The following DDX60L variants were observed in gnomAD, a reference collection of about 807,000 sequenced individuals.
DDX60L encodes DExD/H-box 60 like.
Under a neutral mutation model 211.6 loss-of-function variants are expected in DDX60L, and 191 were observed. The observed-to-expected ratio is 0.90, with a 90% CI of 0.80 to 1.02. The LOEUF (loss-of-function observed/expected upper bound fraction) is 1.02. Ranked by LOEUF, DDX60L falls within the 50% of genes least tolerant of loss-of-function variation. The pLI is 0.00. For synonymous variants in DDX60L, 706 were observed against 694.1 expected (o/e 1.02, Z -0.27); for missense variants, 2,007 against 1,984.1 (o/e 1.01, Z -0.22).
Position 168,456,106 on chromosome 4 carries a change from G to T in DDX60L, c.770C>A (p.Ser257Ter). The T allele has an allele frequency of 3.1e-6, 5 of 1,594,842 alleles. No homozygotes were observed. Among genetic ancestry groups the T allele is most frequent in the Non-Finnish European group, 3.4e-6 (4 of 1,172,612 alleles). ...FLLQHLWSEG[S>*]DIQRVLCVTS... is the part of the protein sequence containing the mutation. ...GACACAGAGAACACGCTGGATGTCC[G>T]ATCCTTCTGACCATAGGTGCTGAAG... Residue 257 changes from serine (S) to a stop codon, truncating the protein, a stop_gained, in exon 7 of 38, where the codon TCG (serine) becomes TAG (stop). Transcript: ENST00000682922. LOFTEE classifies it high-confidence loss of function.
chr4:168,405,463 A>C (rs562090985), intron 24 of DDX60L, among the ~76,000 whole-genome samples: 2 of 152,212 alleles, frequency 1.3e-5, no homozygotes, highest in South Asian at 4.1e-4. Context: ...GTCATCTATA[A>C]ATTTGCCTGA....
At position 168,391,649 on chromosome 4, in the gene DDX60L, G is replaced by GA. The variant is rs35620253; in HGVS notation, c.3811-6dup. Reference sequence around the variant, plus strand: ...TGTTTCAGTAGCTGTCACTACCTAGGAAAAAAAAAAAAAAACAGTCAATAC... The same window carrying GA: ...TGTTTCAGTAGCTGTCACTACCTAGGAAAAAAAAAAAAAAAACAGTCAATAC... On this transcript the variant is annotated splice_region_variant and splice_polypyrimidine_tract_variant and intron_variant, in intron 28 of 37. Coordinates refer to ENST00000682922, the MANE Select transcript of DDX60L (RefSeq NM_001012967.3). 2,650 of 1,068,626 alleles carry GA rather than the reference G, an allele frequency of 2.5e-3. No individual in the cohort carries two copies. The highest frequency in any genetic ancestry group is 0.019 in the African/African-American group (1,058 of 56,116). The allele number at this position is 1,068,626 out of a possible 1,614,324, so 66.2% of individuals were successfully genotyped here.
intron 10 of DDX60L, 90 bp from the exon 11 acceptor site, chr4:168,433,205 A>C: frequency 1.2e-6 from 1 of 857,090 alleles, no homozygotes; most frequent in Non-Finnish European, 1.8e-6. Flanking sequence ...CAAATGCATA[A>C]TATTTTACAT....
intron 8 of DDX60L, among the ~76,000 whole-genome samples, chr4:168,449,677 A>AAAAATAAT (rs1755501600): frequency 6.9e-6 from 1 of 144,718 alleles, no homozygotes; most frequent in Non-Finnish European, 1.5e-5. Context: ...AAAAAAGAAA[A>AAAAATAAT]AAATTACTAA....
Position 168,384,758 on chromosome 4 carries a change from A to G in DDX60L, c.3970T>C (p.Phe1324Leu). The change falls in exon 30 of 38, where the codon TTT becomes CTT. Residue 1324 changes from phenylalanine (F) to leucine (L), a missense_variant. Physicochemically the swap from Phe to Leu is conservative, Grantham distance 22. Coordinates refer to ENST00000682922, the MANE Select transcript of DDX60L (RefSeq NM_001012967.3). ...GQDLLGNVYF[F>L]DIPLPKIKRL... ...TTTATTTTGGGCAATGGGATATCAA[A>G]GAAATACACATTTCCAAGCAGGTCT... 16 of 1,613,792 alleles carry G rather than the reference A, an allele frequency of 9.9e-6. No individual in the cohort carries two copies. Among genetic ancestry groups the G allele is most frequent in the Non-Finnish European group, 1.2e-5 (14 of 1,179,868 alleles).
At position 168,422,648 on chromosome 4, in the gene DDX60L, TTC is replaced by T. The variant is rs1267308706; in HGVS notation, c.2118_2119del (p.Lys707GlufsTer5). 6.2e-7 allele frequency: 1 copy of T among 1,604,732 alleles called. No homozygotes were observed. Among genetic ancestry groups the T allele is most frequent in the African/African-American group, 1.3e-5 (1 of 74,840 alleles). On this transcript the variant is annotated frameshift_variant, in exon 16 of 38. Transcript: ENST00000682922. LOFTEE classifies it high-confidence loss of function. ...TGGTCCAATGTCAATCGAATATTTCTTCTTATTTTTGTCATCTCCTATCTGTT... is the reference window on the plus strand; with the variant it reads ...TGGTCCAATGTCAATCGAATATTTCTTTATTTTTGTCATCTCCTATCTGTT...
intron 31 of DDX60L, 45 bp from the exon 32 acceptor site, chr4:168,379,549 A>C (rs772683367): frequency 3.6e-6 from 5 of 1,371,654 alleles, no homozygotes; most frequent in Non-Finnish European, 3.0e-6. Flanking sequence ...TCATGTACTC[A>C]AATACCATAA....
intron 22 of DDX60L, among the ~76,000 whole-genome samples, chr4:168,407,309 C>G (rs925178709): frequency 2.6e-5 from 4 of 152,120 alleles, no homozygotes; most frequent in African/African-American, 9.7e-5. Flanking sequence ...CCGTCTGAAG[C>G]CTTTAGAACT....
chr4:168,471,794 C>CA lies in DDX60L; in HGVS notation c.216dup (p.Val73CysfsTer6). On this transcript the variant is annotated frameshift_variant, in exon 4 of 38. Transcript: ENST00000682922. LOFTEE classifies it high-confidence loss of function. Reference sequence around the variant, plus strand: ...TGTCCTCCGTTACTCAGAAGATCCACAAGATAGCATTCAACCAGATAGAAA... The same window carrying CA: ...TGTCCTCCGTTACTCAGAAGATCCACAAAGATAGCATTCAACCAGATAGAAA... The CA allele has an allele frequency of 6.2e-7, 1 of 1,612,362 alleles. No individual in the cohort carries two copies. The highest frequency in any genetic ancestry group is 8.5e-7 in the Non-Finnish European group (1 of 1,179,614).
chr4:168,468,115 C>T (rs925353811), intron 4 of DDX60L, among the ~76,000 whole-genome samples: 10 of 152,006 alleles, frequency 6.6e-5, no homozygotes, highest in South Asian at 2.1e-4. Flanking sequence ...TGCAGTGAGC[C>T]GAGACCATGC....
intron 25 of DDX60L, among the ~76,000 whole-genome samples, chr4:168,402,198 G>A (rs1579402427): frequency 6.8e-6 from 1 of 147,602 alleles, no homozygotes; most frequent in Non-Finnish European, 1.5e-5. Context: ...TGCACTCGCA[G>A]CTCACTGAAG....
intron 28 of DDX60L, 84 bp downstream of exon 28, chr4:168,394,381 C>T: frequency 9.1e-7 from 1 of 1,099,252 alleles, no homozygotes; most frequent in Non-Finnish European, 1.3e-6. Flanking sequence ...AGAAAACCAA[C>T]TGGTATAATT....
At chr4:168,409,245 A>C (rs1005784503) in intron 22 of DDX60L, among the ~76,000 whole-genome samples, 1 of 152,190 alleles carries the variant, frequency 6.6e-6, no homozygotes, top group Non-Finnish European at 1.5e-5. Flanking sequence ...GAAGTCATAC[A>C]GGGTCAGAAC....
At chr4:168,377,291 C>CAAAT (rs200027731) in intron 33 of DDX60L, among the ~76,000 whole-genome samples, 1,530 of 110,646 alleles carry the variant, frequency 0.014, 17 homozygotes, top group Admixed American at 0.021. Flanking sequence ...GACTCTGTCT[C>CAAAT]AAATAAATAA....
chr4:168,386,575 GAA>G (rs55835081), intron 29 of DDX60L, among the ~76,000 whole-genome samples: 1 of 142,662 alleles, frequency 7.0e-6, no homozygotes, highest in Non-Finnish European at 1.5e-5. Context: ...ATATGATGTT[GAA>G]AAAAAAAAAA....
At chr4:168,373,613 C>A in intron 35 of DDX60L, 53 bp downstream of exon 35, 5 of 1,567,312 alleles carry the variant, frequency 3.2e-6, no homozygotes, top group Non-Finnish European at 4.4e-6. Flanking sequence ...AGCAATGTAA[C>A]CCCACTCTGT....
chr4:168,471,948 A>G lies in DDX60L; in HGVS notation c.75-12T>C, dbSNP rs377040387. On this transcript the variant is annotated splice_polypyrimidine_tract_variant and intron_variant, in intron 3 of 37. Transcript: ENST00000682922. The stretch of plus-strand genomic sequence containing the variant: ...ATATGCTGGAATACCTAAAATAAAA[A>G]TCAAAGAGAATAAAAATCACAGATG... 133 of 1,552,312 alleles carry G rather than the reference A, an allele frequency of 8.6e-5. No individual in the cohort carries two copies. The highest frequency in any genetic ancestry group is 1.1e-4 in the Non-Finnish European group (124 of 1,143,474).
At position 168,432,951 on chromosome 4, in the gene DDX60L, C is replaced by T. The variant is rs1579611845; in HGVS notation, c.1400+59G>A. On this transcript the variant is annotated intron_variant, in intron 11 of 37. Transcript: ENST00000682922. ...TACATAGACATTTTGATGAGTCATTCACTTCACTAGTATTTTCAAGTTGAT... is the reference window on the plus strand; with the variant it reads ...TACATAGACATTTTGATGAGTCATTTACTTCACTAGTATTTTCAAGTTGAT... 23 of 1,041,118 alleles carry T rather than the reference C, an allele frequency of 2.2e-5. No homozygotes were observed. In the East Asian group the frequency reaches 5.3e-4, roughly 24 times the overall value. 64.5% of individuals were successfully genotyped at this position (1,041,118 alleles called of 1,614,324 possible). A position where few individuals can be genotyped will look rare whatever the true frequency, so the allele number is the denominator to read the frequency against.
intron 14 of DDX60L, 128 bp from the exon 15 acceptor site, chr4:168,423,902 G>A: frequency 5.4e-6 from 3 of 554,280 alleles, no homozygotes; most frequent in Non-Finnish European, 8.9e-6. Flanking sequence ...TGACTTTAAA[G>A]GAGATTTTAG....
Sources: gnomAD v4.1 joint callset for allele counts (sites outside exome capture counted in the v4.1 genomes callset) on GRCh38, gnomAD v4.1.1 for gene constraint, MANE v1.5 for transcripts, NCBI Gene and HGNC (gene_info 2026-07-23, HGNC 2026-07-21) for gene names.